CEP135: variants seen among roughly 807,000 people sequenced by gnomAD.
The protein encoded by CEP135 is centrosomal protein 135.
In CEP135, 142 loss-of-function variants were observed where a neutral mutation model predicts 157.3. The ratio of observed to expected loss-of-function variants is 0.90; its 90% CI spans 0.79 to 1.04. The LOEUF is 1.04. CEP135 is among the 50% of genes least tolerant of loss of function. The pLI, the probability that CEP135 is intolerant of heterozygous loss-of-function variation, is 0.00. For synonymous variants in CEP135, 396 were observed against 439.8 expected, an observed-to-expected ratio of 0.90 and a Z score of 1.25; for missense variants, 1,317 against 1,309.2, an observed-to-expected ratio of 1.01 and a Z score of -0.09.
chr4:55,995,032 TTGTC>T (rs1330146723), intron 15 of CEP135, among the ~76,000 whole-genome samples: 6 of 152,196 alleles, frequency 3.9e-5, no homozygotes, highest in Admixed American at 1.3e-4. Flanking sequence ...TCTAGTTTCT[TTGTC>T]TGTTGTCAGA....
intron 17 of CEP135, among the ~76,000 whole-genome samples, chr4:56,005,646 T>C (rs892874201): frequency 2.0e-5 from 3 of 152,254 alleles, no homozygotes; most frequent in African/African-American, 7.2e-5. Context: ...AACTACAGTA[T>C]CACAGTATTC....
In CEP135 at chr4:56,011,982, A is replaced by G; in HGVS notation, c.2799A>G (p.Gln933=). ...TGGAGCTATTAGAAAAAGAAATTCA[A>G]GAGGTAATATATTTATTTGTTTTGT... ...ERVELLEKEI[Q]EHINAHHAYE... Residue 933 remains glutamine (Q), a synonymous_variant, in exon 21 of 26, where the codon CAA becomes CAG. Transcript: ENST00000257287. 6.6e-7 allele frequency: 1 copy of G among 1,523,740 alleles called. No individual in the cohort carries two copies. The highest frequency in any genetic ancestry group is 2.4e-5 in the East Asian group (1 of 42,080). 94.4% of individuals were successfully genotyped at this position (1,523,740 alleles called of 1,614,324 possible). A position where few individuals can be genotyped will look rare whatever the true frequency, so the allele number is the denominator to read the frequency against.
In CEP135 at chr4:55,981,378, A is replaced by T. The variant is rs1729403432; in HGVS notation, c.1778A>T (p.Glu593Val). 3 of 1,569,382 alleles carry T rather than the reference A, an allele frequency of 1.9e-6. No homozygotes were observed. Among genetic ancestry groups the T allele is most frequent in the Middle Eastern group, 1.7e-4 (1 of 5,888 alleles). ...AAGGAAGCTTTAAGAGAAAAATTAG[A>T]GGTAAGAAGATTGACATGTTTTTGA... ...AEKEALREKL[E>V]HIEEVSLFGK... Residue 593 changes from glutamate to valine, a missense_variant and splice_region_variant, in exon 13 of 26, where the codon GAG becomes GTG. Transcript: ENST00000257287.
At chr4:55,973,475 A>C (rs1410937049) in intron 10 of CEP135, among the ~76,000 whole-genome samples, 1 of 152,208 alleles carries the variant, frequency 6.6e-6, no homozygotes, top group Non-Finnish European at 1.5e-5. Context: ...CTGGCCTCAG[A>C]TTAAAAACGT....
At chr4:55,964,524 G>A in intron 7 of CEP135, 122 bp downstream of exon 7, 2 of 697,996 alleles carry the variant, frequency 2.9e-6, no homozygotes, top group Non-Finnish European at 4.2e-6. Flanking sequence ...GGTATTATTT[G>A]CAATGGGAAA....
Position 55,974,753 on chromosome 4 carries a change from A to G in CEP135, c.1257A>G (p.Gln419=), listed in dbSNP as rs760440768. 4.3e-6 allele frequency: 7 copies of G among 1,610,912 alleles called. No homozygotes were observed. Among genetic ancestry groups the G allele is most frequent in the African/African-American group, 1.3e-5 (1 of 74,738 alleles). ...AACCACTTTAATTTACAGAACGACA[A>G]CTTACTCTGGAGGTTGAGAGGATGA... The part of the protein sequence containing the change: ...KVESFAVTER[Q]LTLEVERMRL... The change falls in exon 11 of 26, where the codon CAA becomes CAG. Residue 419 remains glutamine, a synonymous_variant. Transcript: ENST00000257287.
intron 1 of CEP135, among the ~76,000 whole-genome samples, chr4:55,951,314 C>T (rs1728355474): frequency 6.6e-6 from 1 of 152,154 alleles, no homozygotes; most frequent in Non-Finnish European, 1.5e-5. Flanking sequence ...TATAAAAAAA[C>T]TGCCAGACTT....
At chr4:56,023,401 A>G (rs1211448281) in intron 24 of CEP135, among the ~76,000 whole-genome samples, 1 of 152,102 alleles carries the variant, frequency 6.6e-6, no homozygotes, top group African/African-American at 2.4e-5. Context: ...AGGGTCTAGC[A>G]TCTGGGCATT....
chr4:55,952,330 AG>A, intron 2 of CEP135, 87 bp downstream of exon 2: 1 of 791,514 alleles, frequency 1.3e-6, no homozygotes, highest in Non-Finnish European at 2.1e-6. Context: ...GGTAAAGAAA[AG>A]GGTAGCTTTC....
rs557788564 is a variant in CEP135, at chr4:56,019,727, G to T, written c.3215+172G>T. Among the ~76,000 whole-genome samples the T allele has an allele frequency of 2.6e-5, 4 of 152,102 alleles. No individual in the cohort carries two copies. In the South Asian group the frequency reaches 8.3e-4, roughly 32 times the overall value. On this transcript the variant is annotated intron_variant, in intron 23 of 25. Coordinates refer to ENST00000257287, the MANE Select transcript of CEP135 (RefSeq NM_025009.5). ...AAGGCGGGTAGATTGCCTGAGCTCA[G>T]GAGTTTGAGACTAGCCTGGGCAAGA...
chr4:55,992,521 C>A (rs1313885044), intron 15 of CEP135, among the ~76,000 whole-genome samples: 1 of 152,076 alleles, frequency 6.6e-6, no homozygotes, highest in Non-Finnish European at 1.5e-5. Flanking sequence ...AATTTTTAAC[C>A]CTTTCTGACT....
intron 23 of CEP135, 46 bp downstream of exon 23, chr4:56,019,601 G>T: frequency 1.3e-6 from 2 of 1,504,728 alleles, no homozygotes; most frequent in South Asian, 2.4e-5. Context: ...GCTTGTGAAG[G>T]ATAGTTTTTT....
intron 17 of CEP135, among the ~76,000 whole-genome samples, chr4:56,006,606 A>G (rs1256765471): frequency 6.6e-6 from 1 of 152,148 alleles, no homozygotes; most frequent in African/African-American, 2.4e-5. Context: ...CGACAGAATG[A>G]GACCCTGTCT....
intron 25 of CEP135, among the ~76,000 whole-genome samples, chr4:56,025,881 C>T (rs1031544835): frequency 3.3e-5 from 5 of 149,662 alleles, no homozygotes; most frequent in Admixed American, 6.7e-5. Flanking sequence ...ACAAATTGAA[C>T]ACATCCAGGT....
Position 56,011,400 on chromosome 4 carries a change from T to C in CEP135, c.2506-12T>C. The C allele has an allele frequency of 6.5e-7, 1 of 1,549,912 alleles. No individual in the cohort carries two copies. Among genetic ancestry groups the C allele is most frequent in the Non-Finnish European group, 8.8e-7 (1 of 1,135,402 alleles). ...GTTCATTTTAGATTGTCTTTAATTTTCTGATTTGTAGGAAATCTCATTGGA... is the reference window on the plus strand; with the variant it reads ...GTTCATTTTAGATTGTCTTTAATTTCCTGATTTGTAGGAAATCTCATTGGA... On this transcript the variant is annotated splice_polypyrimidine_tract_variant and intron_variant, in intron 19 of 25. Coordinates refer to ENST00000257287, the MANE Select transcript of CEP135 (RefSeq NM_025009.5).
In CEP135 at chr4:55,981,329, G is replaced by C; in HGVS notation, c.1729G>C (p.Asp577His). 6.3e-7 allele frequency: 1 copy of C among 1,593,334 alleles called. No individual in the cohort carries two copies. The highest frequency in any genetic ancestry group is 8.5e-7 in the Non-Finnish European group (1 of 1,173,842). ...MEKEKELALS[D>H]LRRIMAEKEA... ...AAAGGAAAAAGAACTTGCGTTATCT[G>C]ACTTAAGAAGAATTATGGCAGAAAA... Residue 577 changes from aspartate (D) to histidine (H), a missense_variant, in exon 13 of 26, where the codon GAC becomes CAC. Coordinates refer to ENST00000257287, the MANE Select transcript of CEP135 (RefSeq NM_025009.5).
chr4:55,974,135 A>G (rs76628859), intron 10 of CEP135, among the ~76,000 whole-genome samples: 3,725 of 152,330 alleles, frequency 0.024, 68 homozygotes, highest in Admixed American at 0.06. Context: ...AATGCTTAAT[A>G]CATATCTGTT....
chr4:55,995,256 C>T (rs1729931839), intron 15 of CEP135, among the ~76,000 whole-genome samples: 1 of 152,012 alleles, frequency 6.6e-6, no homozygotes, highest in Non-Finnish European at 1.5e-5. Context: ...TCTTTTTTTT[C>T]CTTGTAAATA....
chr4:55,957,388 G>T (rs1284512096), intron 5 of CEP135, 24 bp downstream of exon 5: 3 of 1,601,742 alleles, frequency 1.9e-6, no homozygotes, highest in Non-Finnish European at 1.7e-6. Context: ...TTCTTTCTTG[G>T]CTTGAGTTAA....
Sources: gnomAD v4.1 joint callset for allele counts (sites outside exome capture counted in the v4.1 genomes callset) on GRCh38, gnomAD v4.1.1 for gene constraint, MANE v1.5 for transcripts, NCBI Gene and HGNC (gene_info 2026-07-23, HGNC 2026-07-21) for gene names.